Variants in SMAD4 observed in about 807,000 individuals in gnomAD.
SMAD4 encodes the protein SMAD family member 4.
SMAD4 carries 7 observed loss-of-function variants against 63.2 expected under a neutral mutation model. That is an observed-to-expected ratio of 0.11 (90% CI 0.06 to 0.21). The LOEUF (loss-of-function observed/expected upper bound fraction) is 0.21, where lower values mean the gene tolerates loss of function less well. SMAD4 is among the 10% of genes least tolerant of loss of function. The pLI, the probability that SMAD4 is intolerant of heterozygous loss-of-function variation, is 1.00. For missense variants in SMAD4, 312 were observed against 693.8 expected, an observed-to-expected ratio of 0.45 and a Z score of 6.18; for synonymous variants, 215 against 235.4, an observed-to-expected ratio of 0.91 and a Z score of 0.79.
intron 10 of SMAD4, 42 bp downstream of exon 10, chr18:51,067,229 T>G (rs1910188920): frequency 7.1e-6 from 8 of 1,125,964 alleles, no homozygotes; most frequent in African/African-American, 1.5e-5. Flanking sequence ...CTTAAAGCTC[T>G]ATTTGTTGTC....
rs1163325479 is a variant in SMAD4 at position 51,048,724 on chromosome 18, C to A, written c.288C>A (p.Ala96=). ...AAGGATTTCCTCATGTGATCTATGCCCGTCTCTGGAGGTGGCCTGATCTTC... is the reference window on the plus strand; with the variant it reads ...AAGGATTTCCTCATGTGATCTATGCACGTCTCTGGAGGTGGCCTGATCTTC... ...GRKGFPHVIY[A]RLWRWPDLHK... Residue 96 remains alanine (A), a synonymous_variant, in exon 3 of 12, where the codon GCC becomes GCA. Coordinates refer to ENST00000342988, the MANE Select transcript of SMAD4 (RefSeq NM_005359.6). The A allele has an allele frequency of 6.2e-7, 1 of 1,613,972 alleles. No individual in the cohort carries two copies. The highest frequency in any genetic ancestry group is 8.5e-7 in the Non-Finnish European group (1 of 1,179,970).
intron 1 of SMAD4, among the ~76,000 whole-genome samples, chr18:51,036,561 G>A (rs1568200046): frequency 6.6e-6 from 1 of 152,168 alleles, no homozygotes; most frequent in South Asian, 2.1e-4. Context: ...GGAAGAATGT[G>A]TATAGATGCT....
At chr18:51,056,620 CAAAA>C (rs74178610) in intron 5 of SMAD4, among the ~76,000 whole-genome samples, 3 of 59,318 alleles carry the variant, frequency 5.1e-5, no homozygotes, top group Non-Finnish European at 9.3e-5. Flanking sequence ...ACTCCATCTC[CAAAA>C]AAAAAAAAAA....
intron 1 of SMAD4, among the ~76,000 whole-genome samples, chr18:51,040,109 T>A (rs1252593899): frequency 6.6e-6 from 1 of 152,108 alleles, no homozygotes; most frequent in Non-Finnish European, 1.5e-5. Context: ...CAGGCCCAGC[T>A]TTTTTCTCCT....
At chr18:51,064,462 T>G (rs969169361) in intron 8 of SMAD4, among the ~76,000 whole-genome samples, 7 of 152,012 alleles carry the variant, frequency 4.6e-5, no homozygotes, top group African/African-American at 1.7e-4. Flanking sequence ...ACAGGGACTG[T>G]AGCTGTTTTG....
At position 51,084,010 on chromosome 18, in the gene SMAD4, GCGCACA is replaced by G. The variant is rs1173889731; in HGVS notation, c.*5545_*5550del. The stretch of plus-strand genomic sequence containing the variant: ...ACTTAACGCGCGTGCGCACGCGCGC[GCGCACA>G]CACACACACACACACACACACACAC... On this transcript the variant is annotated 3_prime_UTR_variant, in exon 12 of 12. Coordinates refer to ENST00000342988, the MANE Select transcript of SMAD4 (RefSeq NM_005359.6). The G allele has an allele frequency of 4.5e-3, 272 of 60,708 alleles. 1 individual carries two copies. The highest frequency in any genetic ancestry group is 0.011 in the African/African-American group (224 of 20,250). 3.8% of individuals were successfully genotyped at this position (60,708 alleles called of 1,614,324 possible).
chr18:51,055,788 A>G (rs1213412183), intron 5 of SMAD4, among the ~76,000 whole-genome samples: 1 of 151,702 alleles, frequency 6.6e-6, no homozygotes, highest in Non-Finnish European at 1.5e-5. Flanking sequence ...AAAGGAATTT[A>G]TGTAAACCCA....
chr18:51,075,888 C>T (rs1910458436), intron 10 of SMAD4, among the ~76,000 whole-genome samples: 1 of 152,006 alleles, frequency 6.6e-6, no homozygotes. Context: ...CTTAGCATTC[C>T]CATTTTATAG....
rs1371321310 is a variant in SMAD4, at chr18:51,083,333, G to T, written c.*4866G>T. On this transcript the variant is annotated 3_prime_UTR_variant, in exon 12 of 12. Transcript: ENST00000342988. ...CTGTACAGATATTTTTGACCTATAG[G>T]TGCCTTTATGAGAATTGAGGGTCTG... 4.4e-6 allele frequency: 1 copy of T among 228,046 alleles called. No individual in the cohort carries two copies. The highest frequency in any genetic ancestry group is 2.2e-5 in the African/African-American group (1 of 45,032). The allele number at this position is 228,046 out of a possible 1,614,324, so 14.1% of individuals were successfully genotyped here.
rs558556719 is a variant in SMAD4, at chr18:51,080,043, A to G, written c.*1576A>G. 2.8e-4 allele frequency: 64 copies of G among 231,546 alleles called. No homozygotes were observed. The highest frequency in any genetic ancestry group is 1.3e-3 in the African/African-American group (60 of 45,340). 14.3% of individuals were successfully genotyped at this position (231,546 alleles called of 1,614,324 possible). A position where few individuals can be genotyped will look rare whatever the true frequency, so the allele number is the denominator to read the frequency against. The stretch of plus-strand genomic sequence containing the variant: ...CTACAAGATGATAAATAGATTGTCT[A>G]CAGGATAAATAGTATGAAATAAAAT... On this transcript the variant is annotated 3_prime_UTR_variant, in exon 12 of 12. Transcript: ENST00000342988.
intron 1 of SMAD4, among the ~76,000 whole-genome samples, chr18:51,039,852 A>T (rs945514359): frequency 1.3e-5 from 2 of 152,180 alleles, no homozygotes; most frequent in Non-Finnish European, 2.9e-5. Flanking sequence ...CAAGAAGCAT[A>T]CATCTCGATT....
rs755013043 is a variant in SMAD4 at position 51,083,997 on chromosome 18, TGCGCACGCGCGC to T, written c.*5537_*5548del. 2.4e-5 allele frequency: 3 copies of T among 124,006 alleles called. No individual in the cohort carries two copies. Among genetic ancestry groups the T allele is most frequent in the Middle Eastern group, 2.2e-3 (1 of 458 alleles). The allele number at this position is 124,006 out of a possible 1,614,324, so 7.7% of individuals were successfully genotyped here. A position where few individuals can be genotyped will look rare whatever the true frequency, so the allele number is the denominator to read the frequency against. On this transcript the variant is annotated 3_prime_UTR_variant, in exon 12 of 12. Transcript: ENST00000342988. ...GGCTGCAATAAACACTTAACGCGCG[TGCGCACGCGCGC>T]GCGCACACACACACACACACACACA...
rs1037395977 is a variant in SMAD4 at position 51,081,600 on chromosome 18, C to T, written c.*3133C>T. 2 of 232,682 alleles carry T rather than the reference C, an allele frequency of 8.6e-6. No homozygotes were observed. Among genetic ancestry groups the T allele is most frequent in the East Asian group, 6.1e-5 (1 of 16,488 alleles). 14.4% of individuals were successfully genotyped at this position (232,682 alleles called of 1,614,324 possible). ...ATGGTCTGGCTTAAGGAGAGCCATACTTGAGACATGTGAGTAAACTGAACT... is the reference window on the plus strand; with the variant it reads ...ATGGTCTGGCTTAAGGAGAGCCATATTTGAGACATGTGAGTAAACTGAACT... On this transcript the variant is annotated 3_prime_UTR_variant, in exon 12 of 12. Transcript: ENST00000342988.
rs1599189462 is a variant in SMAD4, at chr18:51,058,147, G to A, written c.690G>A (p.Gly230=). The change falls in exon 6 of 12, where the codon GGG becomes GGA. Residue 230 remains glycine, a synonymous_variant. Transcript: ENST00000342988. ...ASTSQPASIL[G]GSHSEGLLQI... ...TAGGTCAGCCTGCCAGTATACTGGG[G>A]GGCAGCCATAGTGAAGGACTGTTGC... The A allele has an allele frequency of 6.2e-7, 1 of 1,614,028 alleles. No homozygotes were observed. Among genetic ancestry groups the A allele is most frequent in the Non-Finnish European group, 8.5e-7 (1 of 1,179,940 alleles).
chr18:51,060,706 T>C (rs1421101276), intron 8 of SMAD4, among the ~76,000 whole-genome samples: 1 of 152,182 alleles, frequency 6.6e-6, no homozygotes, highest in Non-Finnish European at 1.5e-5. Flanking sequence ...TGATCTCAGA[T>C]TACTACAGCC....
At chr18:51,054,513 G>A in intron 4 of SMAD4, 3 of 436,484 alleles carry the variant, frequency 6.9e-6, no homozygotes, top group East Asian at 4.5e-5. Context: ...TTTTAGGATT[G>A]TTGCTGGAGG....
At chr18:51,042,547 AT>A (rs556939943) in intron 1 of SMAD4, among the ~76,000 whole-genome samples, 1 of 151,146 alleles carries the variant, frequency 6.6e-6, no homozygotes, top group Non-Finnish European at 1.5e-5. Flanking sequence ...AATTTTTTGT[AT>A]TTTTTGTAGA....
At chr18:51,054,697 TTATTA>T in intron 4 of SMAD4, 79 bp from the exon 5 acceptor site, 1 of 858,166 alleles carries the variant, frequency 1.2e-6, no homozygotes, top group South Asian at 1.5e-5. Flanking sequence ...ATTTTAGGTG[TTATTA>T]TATTACTTGC....
Position 51,056,087 on chromosome 18 carries a change from C to A in SMAD4, c.667+1094C>A, listed in dbSNP as rs71357269. On this transcript the variant is annotated intron_variant, in intron 5 of 11. Coordinates refer to ENST00000342988, the MANE Select transcript of SMAD4 (RefSeq NM_005359.6). ...CTAAATGGGTCATATAGGTTAAGCA[C>A]TTGAGAACCCAGTTCCTTAATCACT... Among the ~76,000 whole-genome samples, 586 of 152,280 alleles carry A rather than the reference C, an allele frequency of 3.8e-3. 1 individual carries two copies. Among genetic ancestry groups the A allele is most frequent in the Non-Finnish European group, 5.9e-3 (400 of 68,014 alleles).
Sources: allele counts gnomAD v4.1 joint callset (sites outside exome capture counted in the v4.1 genomes callset), GRCh38; gene constraint gnomAD v4.1.1; transcripts MANE v1.5; gene names NCBI Gene and HGNC (gene_info 2026-07-23, HGNC 2026-07-21).